FLACC1: variants seen among roughly 807,000 people sequenced by gnomAD.
FLACC1 encodes the protein flagellum associated containing coiled-coil domains 1, also known as flagellum-associated coiled-coil domain-containing protein 1.
FLACC1 carries 66 observed loss-of-function variants against 62.8 expected under a neutral mutation model. The observed-to-expected ratio is 1.05, with a 90% CI of 0.86 to 1.29. FLACC1 has a LOEUF of 1.29. FLACC1 is among the 50% of genes most tolerant of loss of function. The probability of loss-of-function intolerance (pLI) is 0.00; values close to 1 mark genes in which losing one functional copy is unlikely to be tolerated. For missense variants in FLACC1, 452 were observed against 489.1 expected (o/e 0.92, Z 0.71); for synonymous variants, 156 against 161.0 (o/e 0.97, Z 0.24).
chr2:201,348,958 A>T (rs189996611), intron 3 of FLACC1, among the ~76,000 whole-genome samples: 14 of 152,294 alleles, frequency 9.2e-5, no homozygotes, highest in Admixed American at 7.8e-4. Context: ...CCTCTTTCAC[A>T]TACAAAGAAG....
chr2:201,309,172 C>T lies in FLACC1; in HGVS notation c.754G>A (p.Glu252Lys). 1 of 1,613,876 alleles carries T rather than the reference C, an allele frequency of 6.2e-7. No homozygotes were observed. The change falls in exon 10 of 15, where the codon GAA becomes AAA. Residue 252 changes from glutamate (E) to lysine (K), a missense_variant. Coordinates refer to ENST00000392257, the MANE Select transcript of FLACC1 (RefSeq NM_001127391.3). Reference sequence around the variant, plus strand: ...TCACTTTGCTGTAGCAGGATATTTTCTCGCTCGAACTTCTCATCCTTCTTC... The same window carrying T: ...TCACTTTGCTGTAGCAGGATATTTTTTCGCTCGAACTTCTCATCCTTCTTC... Reference protein sequence around the residue: ...KWKKDEKFERENILLQQKKKM... With the variant: ...KWKKDEKFERKNILLQQKKKM...
chr2:201,309,398 T>C, intron 9 of FLACC1, 148 bp from the exon 10 acceptor site: 1 of 645,632 alleles, frequency 1.5e-6, no homozygotes, highest in Non-Finnish European at 2.7e-6. Flanking sequence ...TTCCCTTACC[T>C]GGGGCCCTCA....
At chr2:201,353,728 C>CA (rs1951070802) in intron 1 of FLACC1, among the ~76,000 whole-genome samples, 1 of 152,134 alleles carries the variant, frequency 6.6e-6, no homozygotes, top group South Asian at 2.1e-4. Context: ...TGTAGGCCTC[C>CA]AGCCTCCTAC....
chr2:201,305,990 G>T (rs545585295), intron 11 of FLACC1, among the ~76,000 whole-genome samples: 2 of 151,718 alleles, frequency 1.3e-5, no homozygotes, highest in South Asian at 4.2e-4. Flanking sequence ...TGTAAATGAT[G>T]AGTTAATGGG....
chr2:201,343,941 T>C (rs1300124738), intron 6 of FLACC1, among the ~76,000 whole-genome samples: 1 of 152,202 alleles, frequency 6.6e-6, no homozygotes, highest in Non-Finnish European at 1.5e-5. Context: ...GGAGAGCTCC[T>C]GGAAATAAAT....
In FLACC1 at chr2:201,346,360, G is replaced by A. The variant is rs1950913946; in HGVS notation, c.368+182C>T. ...CTCACGGATGGGATCAGAGCAGAGA[G>A]GCAGATGTGGAGAGATGCATCATCA... On this transcript the variant is annotated intron_variant, in intron 5 of 14. Transcript: ENST00000392257. The surrounding 1 kb of genome is among the most constrained non-coding windows in gnomAD (Gnocchi z 4.0). 6.6e-6 allele frequency among the ~76,000 whole-genome samples: 1 copy of A among 152,228 alleles called. No individual in the cohort carries two copies.
rs781248384 is a variant in FLACC1, at chr2:201,346,707, C to G, written c.235-32G>C. 9.9e-6 allele frequency: 16 copies of G among 1,613,154 alleles called. No individual in the cohort carries two copies. Among genetic ancestry groups the G allele is most frequent in the Non-Finnish European group, 1.7e-6 (2 of 1,179,878 alleles). On this transcript the variant is annotated intron_variant, in intron 4 of 14. Transcript: ENST00000392257. The surrounding 1 kb of genome is among the most constrained non-coding windows in gnomAD (Gnocchi z 4.0). The stretch of plus-strand genomic sequence containing the variant: ...ATCAAGGGAAAGTAAGATAAAATGG[C>G]AGACTTGGAGTGCTGAGATTTTTCC...
chr2:201,361,832 T>G (rs1007111449), upstream of FLACC1, among the ~76,000 whole-genome samples: 6 of 152,212 alleles, frequency 3.9e-5, no homozygotes, highest in African/African-American at 1.4e-4. Flanking sequence ...ATACTTTGAT[T>G]TTTATATATT....
At chr2:201,357,647 C>A (rs1243176118), upstream of FLACC1, among the ~76,000 whole-genome samples, 4 of 152,284 alleles carry the variant, frequency 2.6e-5, no homozygotes, top group East Asian at 7.7e-4. Flanking sequence ...GCAATAGTTA[C>A]CAGGCAGGAT....
chr2:201,354,729 G>T (rs889818299), intron 1 of FLACC1, among the ~76,000 whole-genome samples: 1 of 152,182 alleles, frequency 6.6e-6, no homozygotes, highest in South Asian at 2.1e-4. Flanking sequence ...CTTCCTGTAC[G>T]AAAGGAGCCA....
intron 12 of FLACC1, among the ~76,000 whole-genome samples, chr2:201,296,973 GAC>G (rs1467524400): frequency 6.6e-6 from 1 of 151,828 alleles, no homozygotes; most frequent in Non-Finnish European, 1.5e-5. Flanking sequence ...AGGGTAAGGT[GAC>G]AACAGAGTTG....
At chr2:201,359,156 C>G (rs541597998), upstream of FLACC1, among the ~76,000 whole-genome samples, 2 of 152,008 alleles carry the variant, frequency 1.3e-5, no homozygotes, top group African/African-American at 4.8e-5. Context: ...CTGGGATGAG[C>G]GAAAAGGAGA....
At chr2:201,339,878 G>T (rs1442923401) in intron 7 of FLACC1, among the ~76,000 whole-genome samples, 3 of 152,140 alleles carry the variant, frequency 2.0e-5, no homozygotes, top group Non-Finnish European at 2.9e-5. Flanking sequence ...GGCAGCTATG[G>T]GCTGGGCAGG....
chr2:201,293,404 A>T (rs142819979), intron 12 of FLACC1, among the ~76,000 whole-genome samples: 14,236 of 152,248 alleles, frequency 0.094, 799 homozygotes, highest in Non-Finnish European at 0.13. Flanking sequence ...AAACTGAACA[A>T]CCTGCTCCTG....
At chr2:201,321,117 G>A (rs1950395613) in intron 9 of FLACC1, among the ~76,000 whole-genome samples, 1 of 152,182 alleles carries the variant, frequency 6.6e-6, no homozygotes, top group South Asian at 2.1e-4. Flanking sequence ...CAATAACCAA[G>A]GACTCTCACA....
intron 12 of FLACC1, among the ~76,000 whole-genome samples, chr2:201,290,628 C>T (rs1452595918): frequency 6.6e-6 from 1 of 152,164 alleles, no homozygotes; most frequent in Non-Finnish European, 1.5e-5. Context: ...ATGATTTCTG[C>T]ATTTCCAACT....
At chr2:201,359,723 G>A (rs1359835866), upstream of FLACC1, among the ~76,000 whole-genome samples, 2 of 152,074 alleles carry the variant, frequency 1.3e-5, no homozygotes, top group African/African-American at 4.8e-5. Context: ...GTTGATGGAG[G>A]GAAGCGTCTT....
chr2:201,288,699 A>C lies in FLACC1; in HGVS notation c.1225T>G (p.Ser409Ala). Residue 409 changes from serine to alanine, a missense_variant, in exon 15 of 15, where the codon TCT (serine) becomes GCT (alanine). Physicochemically the swap from Ser to Ala is moderately conservative, Grantham distance 99. Coordinates refer to ENST00000392257, the MANE Select transcript of FLACC1 (RefSeq NM_001127391.3). The part of the protein sequence containing the change: ...LASITVSKDD[S>A]DTVQDGSKKG... The stretch of plus-strand genomic sequence containing the variant: ...TTGCTACCATCTTGCACAGTGTCAG[A>C]ATCATCCTTAGAAACAGTAATAGAG... 1 of 1,614,108 alleles carries C rather than the reference A, an allele frequency of 6.2e-7. No homozygotes were observed.
intron 8 of FLACC1, 74 bp from the exon 9 acceptor site, chr2:201,330,596 T>C (rs1950573732): frequency 1.3e-6 from 2 of 1,553,794 alleles, no homozygotes; most frequent in East Asian, 4.5e-5. Flanking sequence ...ATGTGAGTTC[T>C]TCTGCACACC....
Sources: allele counts gnomAD v4.1 joint callset (sites outside exome capture counted in the v4.1 genomes callset), GRCh38; gene constraint gnomAD v4.1.1; non-coding constraint Gnocchi (gnomAD v3.1); transcripts MANE v1.5; gene names NCBI Gene and HGNC (gene_info 2026-07-23, HGNC 2026-07-21).